Variants in LIMK2 observed in about 807,000 individuals in gnomAD.
LIMK2 encodes LIM domain kinase 2.
Under a neutral mutation model 75.7 loss-of-function variants are expected in LIMK2, and 35 were observed. That is an observed-to-expected ratio of 0.46 (90% CI 0.35 to 0.61). The LOEUF is 0.61. Ranked by LOEUF, LIMK2 falls within the 20% of genes least tolerant of loss-of-function variation. The pLI is 0.00. For missense variants in LIMK2, 623 were observed against 831.0 expected (o/e 0.75, Z 3.08); for synonymous variants, 301 against 319.2 (o/e 0.94, Z 0.61).
In LIMK2 at chr22:31,259,160, T is replaced by C; in HGVS notation, c.292T>C (p.Cys98Arg). The C allele has an allele frequency of 1.9e-6, 3 of 1,613,824 alleles. No homozygotes were observed. Among genetic ancestry groups the C allele is most frequent in the Non-Finnish European group, 2.5e-6 (3 of 1,179,788 alleles). ...CAAGTACCACCCAGAGTGCTTTGCCTGTATGAGCTGCAAGGTGATCATTGA... is the reference window on the plus strand; with the variant it reads ...CAAGTACCACCCAGAGTGCTTTGCCCGTATGAGCTGCAAGGTGATCATTGA... ...EFKYHPECFACMSCKVIIEDG... is the reference protein window; with the variant it reads ...EFKYHPECFARMSCKVIIEDG... The change falls in exon 4 of 16, where the codon TGT (cysteine) becomes CGT (arginine). Residue 98 changes from cysteine (C) to arginine (R), a missense_variant. This residue lies in a region of LIMK2 where 514 missense variants were observed against 661.3 expected (regional missense o/e 0.78). Coordinates refer to ENST00000331728, the MANE Select transcript of LIMK2 (RefSeq NM_005569.4).
intron 2 of LIMK2, among the ~76,000 whole-genome samples, chr22:31,238,378 T>G (rs1019825116): frequency 2.6e-5 from 4 of 152,184 alleles, no homozygotes; most frequent in African/African-American, 9.7e-5. Context: ...GATGCCTAAT[T>G]CAGCTTCCTG....
intron 7 of LIMK2, 66 bp from the exon 8 acceptor site, chr22:31,265,880 C>G (rs2048888495): frequency 7.0e-7 from 1 of 1,421,724 alleles, no homozygotes; most frequent in Non-Finnish European, 9.8e-7. Context: ...AGTTTCCTCC[C>G]TCCAGGGTTT....
At chr22:31,276,218 A>G (rs1404851221) in intron 15 of LIMK2, among the ~76,000 whole-genome samples, 1 of 152,206 alleles carries the variant, frequency 6.6e-6, no homozygotes, top group Non-Finnish European at 1.5e-5. Flanking sequence ...CTCGGCAACA[A>G]GAGTGAAACT....
At chr22:31,219,897 A>G (rs2048420093) in intron 1 of LIMK2, among the ~76,000 whole-genome samples, 1 of 152,204 alleles carries the variant, frequency 6.6e-6, no homozygotes, top group African/African-American at 2.4e-5. Flanking sequence ...AACAATCAGT[A>G]GCCACTGTTG....
chr22:31,265,739 G>T lies in LIMK2; in HGVS notation c.855-207G>T, dbSNP rs12627941. Among the ~76,000 whole-genome samples, 5,496 of 152,222 alleles carry T rather than the reference G, an allele frequency of 0.036. 525 individuals carry two copies. In the East Asian group the frequency reaches 0.39, roughly 11 times the overall value. ...GTGATGTATGCAGAGTTCCCATTTT[G>T]AATGTGTTTTTACTATGCTTAAATA... On this transcript the variant is annotated intron_variant, in intron 7 of 15. Transcript: ENST00000331728.
At chr22:31,271,866 T>C (rs935841997) in intron 12 of LIMK2, among the ~76,000 whole-genome samples, 1 of 152,136 alleles carries the variant, frequency 6.6e-6, no homozygotes, top group African/African-American at 2.4e-5. Context: ...CTGAAATCAT[T>C]TTAGGAATAA....
chr22:31,232,077 G>A (rs1332792350), intron 2 of LIMK2, among the ~76,000 whole-genome samples: 1 of 151,774 alleles, frequency 6.6e-6, no homozygotes, highest in Non-Finnish European at 1.5e-5. Flanking sequence ...GCCTCCCAAA[G>A]TGCTTGGGAT....
intron 15 of LIMK2, chr22:31,277,416 C>CA (rs57244615): frequency 3.1e-3 from 3,100 of 1,003,382 alleles, no homozygotes; most frequent in Middle Eastern, 4.2e-3. Flanking sequence ...TGGTGCAGCT[C>CA]AAAAAAAAAA....
At chr22:31,243,479 C>A (rs1424073892) in intron 2 of LIMK2, among the ~76,000 whole-genome samples, 1 of 152,182 alleles carries the variant, frequency 6.6e-6, no homozygotes, top group Non-Finnish European at 1.5e-5. Flanking sequence ...TGGGGTGATT[C>A]ATTCACTTAC....
intron 2 of LIMK2, among the ~76,000 whole-genome samples, chr22:31,256,781 A>T (rs1369878498): frequency 6.6e-6 from 1 of 152,188 alleles, no homozygotes; most frequent in Non-Finnish European, 1.5e-5. Flanking sequence ...ATTCAAACCA[A>T]GCAATGTTCA....
intron 2 of LIMK2, among the ~76,000 whole-genome samples, chr22:31,253,389 A>G (rs2048745146): frequency 6.6e-6 from 1 of 152,248 alleles, no homozygotes; most frequent in Non-Finnish European, 1.5e-5. Flanking sequence ...TTCGAGTAGC[A>G]CCTTACAGTT....
intron 1 of LIMK2, among the ~76,000 whole-genome samples, chr22:31,220,407 AGTTGGGTTCACCACACAAAGGAATGTCT>A (rs1365164440): frequency 6.6e-6 from 1 of 152,150 alleles, no homozygotes; most frequent in African/African-American, 2.4e-5. Flanking sequence ...CCAAATTTTC[AGTTGGGTTCACCACACAAAGGAATGTCT>A]GTTTTGCACC....
rs529919320 is a variant in LIMK2, at chr22:31,257,040, A to ATTTT, written c.117-1220_117-1217dup. 8.1e-4 allele frequency among the ~76,000 whole-genome samples: 61 copies of ATTTT among 75,070 alleles called. 3 individuals are homozygous for ATTTT. The highest frequency in any genetic ancestry group is 1.1e-3 in the Non-Finnish European group (37 of 33,846). The allele number at this position is 75,070 out of a possible 152,430, so 49.2% of individuals were successfully genotyped here. Reference sequence around the variant, plus strand: ...TCATTAGGGGAGAAGGGAGCTATAGATTTTTTTTTTTTTTTTTTTTTTTTT... The same window carrying ATTTT: ...TCATTAGGGGAGAAGGGAGCTATAGATTTTTTTTTTTTTTTTTTTTTTTTTTTTT... On this transcript the variant is annotated intron_variant, in intron 2 of 15. Coordinates refer to ENST00000331728, the MANE Select transcript of LIMK2 (RefSeq NM_005569.4).
chr22:31,258,277 G>C lies in LIMK2; in HGVS notation c.117-14G>C, dbSNP rs369991049. 26 of 1,587,668 alleles carry C rather than the reference G, an allele frequency of 1.6e-5. No individual in the cohort carries two copies. The highest frequency in any genetic ancestry group is 2.1e-5 in the Non-Finnish European group (25 of 1,163,926). On this transcript the variant is annotated splice_polypyrimidine_tract_variant and intron_variant, in intron 2 of 15. Coordinates refer to ENST00000331728, the MANE Select transcript of LIMK2 (RefSeq NM_005569.4). ...GGGATCCAGGAGAATTTCAGTTCTT[G>C]TCTTGCCTTTCAGGTGTTCAGAATG...
intron 1 of LIMK2, among the ~76,000 whole-genome samples, chr22:31,213,954 A>C (rs1444520039): frequency 6.6e-6 from 1 of 151,836 alleles, no homozygotes; most frequent in East Asian, 1.9e-4. Flanking sequence ...TAGCTGGGAC[A>C]ACAGGGGCCC....
intron 15 of LIMK2, chr22:31,277,534 T>C (rs2049043979): frequency 1.3e-5 from 13 of 1,007,190 alleles, no homozygotes; most frequent in Admixed American, 1.1e-4. Flanking sequence ...GTAACACCAG[T>C]GTAAAAGCTT....
intron 5 of LIMK2, among the ~76,000 whole-genome samples, chr22:31,260,664 C>CTA (rs1205496294): frequency 6.6e-6 from 1 of 152,164 alleles, no homozygotes; most frequent in Non-Finnish European, 1.5e-5. Context: ...GTGTATCTAC[C>CTA]ATGTGTTGGA....
At chr22:31,250,289 G>A (rs2048712187) in intron 2 of LIMK2, among the ~76,000 whole-genome samples, 1 of 152,192 alleles carries the variant, frequency 6.6e-6, no homozygotes, top group South Asian at 2.1e-4. Context: ...AGGCAGCTTA[G>A]GAGAAGGGTT....
chr22:31,247,980 C>T (rs1401194905), intron 2 of LIMK2, among the ~76,000 whole-genome samples: 1 of 151,818 alleles, frequency 6.6e-6, no homozygotes, highest in Non-Finnish European at 1.5e-5. Flanking sequence ...GGATGGCTCT[C>T]TGGACCTGTC....
Sources: gnomAD v4.1 joint callset for allele counts (sites outside exome capture counted in the v4.1 genomes callset) on GRCh38, gnomAD v4.1.1 for gene constraint, gnomAD v4.1.1 regional missense constraint, MANE v1.5 for transcripts, NCBI Gene and HGNC (gene_info 2026-07-23, HGNC 2026-07-21) for gene names.